TBX15: variants seen among roughly 807,000 people sequenced by gnomAD.
TBX15 encodes T-box transcription factor TBX15.
TBX15 carries 18 observed loss-of-function variants against 53.9 expected under a neutral mutation model. The ratio of observed to expected loss-of-function variants is 0.33; its 90% CI spans 0.23 to 0.49. TBX15 has a LOEUF of 0.49. TBX15 is among the 20% of genes least tolerant of loss of function. TBX15 has a pLI of 0.98. For missense variants in TBX15, 692 were observed against 749.5 expected (o/e 0.92, Z 0.90); for synonymous variants, 295 against 278.0 (o/e 1.06, Z -0.61).
rs1371940661 is a variant in TBX15 at position 118,901,410 on chromosome 1, C to G, written c.927-2285G>C. 1.1e-5 allele frequency: 5 copies of G among 456,486 alleles called. No homozygotes were observed. In the Admixed American group the frequency reaches 1.2e-4, roughly 11 times the overall value. 28.3% of individuals were successfully genotyped at this position (456,486 alleles called of 1,614,324 possible). On this transcript the variant is annotated intron_variant, in intron 6 of 7. Transcript: ENST00000369429. ...TAATCACCTCTTAAAGGTCCCATCT[C>G]TTAACACTGTTTTATTGCAGATTAA...
At chr1:118,899,672 C>G (rs936234185) in intron 6 of TBX15, among the ~76,000 whole-genome samples, 1 of 152,194 alleles carries the variant, frequency 6.6e-6, no homozygotes, top group Non-Finnish European at 1.5e-5. Context: ...GTGAAATAGA[C>G]TTGGGTTTCT....
intron 1 of TBX15, among the ~76,000 whole-genome samples, chr1:118,939,164 T>C (rs1195614814): frequency 6.6e-6 from 1 of 151,900 alleles, no homozygotes; most frequent in Admixed American, 6.6e-5. Flanking sequence ...CTTAGCACTT[T>C]GGAAAGCTGA....
chr1:118,888,804 G>A (rs1397058257), intron 7 of TBX15, among the ~76,000 whole-genome samples: 2 of 152,092 alleles, frequency 1.3e-5, no homozygotes, highest in Admixed American at 1.3e-4. Context: ...GCAGCAGGAA[G>A]TGCAAGATGG....
At chr1:118,911,170 G>A (rs1439256740) in intron 6 of TBX15, among the ~76,000 whole-genome samples, 2 of 152,094 alleles carry the variant, frequency 1.3e-5, no homozygotes, top group East Asian at 3.9e-4. Flanking sequence ...TGTGACAGTA[G>A]GAAAACTGCC....
chr1:118,987,990 C>A lies in TBX15; in HGVS notation c.-195G>T, dbSNP rs1557912709. 8 of 692,622 alleles carry A rather than the reference C, an allele frequency of 1.2e-5. No individual in the cohort carries two copies. Among genetic ancestry groups the A allele is most frequent in the Non-Finnish European group, 1.9e-5 (8 of 425,004 alleles). 42.9% of individuals were successfully genotyped at this position (692,622 alleles called of 1,614,324 possible). A position where few individuals can be genotyped will look rare whatever the true frequency, so the allele number is the denominator to read the frequency against. On this transcript the variant is annotated 5_prime_UTR_variant, in exon 1 of 8. Transcript: ENST00000369429. Reference sequence around the variant, plus strand: ...GCCCTCCTCTGCCGGATCCGACCTGCGCCCCTACGCTGGCCCAGCTGCTAG... The same window carrying A: ...GCCCTCCTCTGCCGGATCCGACCTGAGCCCCTACGCTGGCCCAGCTGCTAG...
chr1:118,966,109 A>G (rs1043848586), intron 1 of TBX15, among the ~76,000 whole-genome samples: 2 of 152,228 alleles, frequency 1.3e-5, no homozygotes, highest in Non-Finnish European at 2.9e-5. Flanking sequence ...AATAAGTAAA[A>G]AATATCACAG....
chr1:118,941,401 T>C lies in TBX15; in HGVS notation c.206-9569A>G, dbSNP rs534129747. On this transcript the variant is annotated intron_variant, in intron 1 of 7. Coordinates refer to ENST00000369429, the MANE Select transcript of TBX15 (RefSeq NM_001330677.2). ...CTTCTGGAGAGAGTGCCTCTGGAGG[T>C]GGCAGTTTCAAAGATGTAAGTAGGA... Among the ~76,000 whole-genome samples the C allele has an allele frequency of 7.9e-5, 12 of 152,236 alleles. No homozygotes were observed. In the South Asian group the frequency reaches 1.9e-3, roughly 24 times the overall value.
chr1:118,895,068 T>G (rs1029990843), intron 7 of TBX15, among the ~76,000 whole-genome samples: 1 of 152,192 alleles, frequency 6.6e-6, no homozygotes, highest in African/African-American at 2.4e-5. Flanking sequence ...AAATTGTCCT[T>G]CTTTCCCAGT....
At chr1:118,925,117 C>G (rs760172807) in intron 3 of TBX15, among the ~76,000 whole-genome samples, 2 of 152,186 alleles carry the variant, frequency 1.3e-5, no homozygotes, top group Non-Finnish European at 2.9e-5. Flanking sequence ...TTCCTTTCTT[C>G]CCTCTCTCCA....
At chr1:118,927,648 A>G (rs908026461) in intron 2 of TBX15, among the ~76,000 whole-genome samples, 1 of 152,234 alleles carries the variant, frequency 6.6e-6, no homozygotes, top group Non-Finnish European at 1.5e-5. Context: ...TTCTACCACA[A>G]TGGCTTGTTA....
chr1:118,949,466 C>G (rs1656445464), intron 1 of TBX15, among the ~76,000 whole-genome samples: 1 of 152,222 alleles, frequency 6.6e-6, no homozygotes, highest in South Asian at 2.1e-4. Flanking sequence ...TGTGCTATTT[C>G]ACACTTCATT....
At chr1:118,900,524 A>G (rs1199727169) in intron 6 of TBX15, among the ~76,000 whole-genome samples, 2 of 152,182 alleles carry the variant, frequency 1.3e-5, no homozygotes, top group Non-Finnish European at 2.9e-5. Flanking sequence ...TTAACTTTCT[A>G]AAGTCTTCCC....
intron 1 of TBX15, among the ~76,000 whole-genome samples, chr1:118,947,307 C>T (rs894086802): frequency 6.6e-6 from 1 of 152,212 alleles, no homozygotes; most frequent in Non-Finnish European, 1.5e-5. Context: ...CTATTTTTAC[C>T]ACACTGTGAC....
chr1:118,937,784 T>G (rs1656014989), intron 1 of TBX15, among the ~76,000 whole-genome samples: 1 of 152,212 alleles, frequency 6.6e-6, no homozygotes, highest in African/African-American at 2.4e-5. Flanking sequence ...ACAACCACAT[T>G]GAATGGTGTT....
chr1:118,940,737 T>TAAA (rs200090629), intron 1 of TBX15, among the ~76,000 whole-genome samples: 5 of 141,300 alleles, frequency 3.5e-5, no homozygotes, highest in African/African-American at 1.4e-4. Context: ...CAAAAAAAAA[T>TAAA]AAATAAAGGA....
chr1:118,884,605 G>GAAAAA lies in TBX15; in HGVS notation c.*122_*126dup, dbSNP rs536044359. 185 of 769,462 alleles carry GAAAAA rather than the reference G, an allele frequency of 2.4e-4. No homozygotes were observed. The highest frequency in any genetic ancestry group is 2.7e-4 in the Non-Finnish European group (143 of 532,092). 47.7% of individuals were successfully genotyped at this position (769,462 alleles called of 1,614,324 possible). Reference sequence around the variant, plus strand: ...GTTCTTGGGTATATGTCTTCGGCCAGAAAAAAAAAAAAAAAAAAAACACGG... The same window carrying GAAAAA: ...GTTCTTGGGTATATGTCTTCGGCCAGAAAAAAAAAAAAAAAAAAAAAAAAACACGG... On this transcript the variant is annotated 3_prime_UTR_variant, in exon 8 of 8. Coordinates refer to ENST00000369429, the MANE Select transcript of TBX15 (RefSeq NM_001330677.2).
intron 5 of TBX15, among the ~76,000 whole-genome samples, chr1:118,920,561 A>G (rs2101582310): frequency 6.6e-6 from 1 of 152,340 alleles, no homozygotes. Flanking sequence ...CACAGAGGAC[A>G]TTATTGGAAA....
intron 7 of TBX15, among the ~76,000 whole-genome samples, chr1:118,889,863 C>G (rs1189471196): frequency 6.6e-6 from 1 of 152,048 alleles, no homozygotes; most frequent in Admixed American, 6.5e-5. Flanking sequence ...GTCTTAAACT[C>G]CTGGGCTCAA....
At chr1:118,889,047 C>T (rs1295650616) in intron 7 of TBX15, among the ~76,000 whole-genome samples, 2 of 152,146 alleles carry the variant, frequency 1.3e-5, no homozygotes, top group African/African-American at 4.8e-5. Context: ...GGAAATGAGA[C>T]TTGGTGGCCT....
Sources: gnomAD v4.1 joint callset for allele counts (sites outside exome capture counted in the v4.1 genomes callset) on GRCh38, gnomAD v4.1.1 for gene constraint, MANE v1.5 for transcripts, NCBI Gene and HGNC (gene_info 2026-07-23, HGNC 2026-07-21) for gene names.